NDRG2: variants seen among roughly 807,000 people sequenced by gnomAD.
NDRG2 encodes protein NDRG2.
NDRG2 carries 34 observed loss-of-function variants against 58.2 expected under a neutral mutation model. That is an observed-to-expected ratio of 0.58 (90% CI 0.44 to 0.78). The LOEUF is 0.78. Among genes scored for constraint, NDRG2 ranks in the 30% least tolerant of loss-of-function variants. NDRG2 has a pLI of 0.00. For missense variants in NDRG2, 434 were observed against 471.2 expected, an observed-to-expected ratio of 0.92 and a Z score of 0.73; for synonymous variants, 187 against 175.9, an observed-to-expected ratio of 1.06 and a Z score of -0.50.
intron 1 of NDRG2, among the ~76,000 whole-genome samples, chr14:21,041,631 G>C (rs1365176452): frequency 6.6e-6 from 1 of 152,166 alleles, no homozygotes; most frequent in African/African-American, 2.4e-5. Flanking sequence ...ACTAAGGCAG[G>C]ATGTCGAGAG....
chr14:21,064,589 A>G (rs577013004), intron 1 of NDRG2, among the ~76,000 whole-genome samples: 1 of 152,352 alleles, frequency 6.6e-6, no homozygotes, highest in South Asian at 2.1e-4. Flanking sequence ...GGTGTGAGCC[A>G]CCGCACCCAG....
intron 1 of NDRG2, among the ~76,000 whole-genome samples, chr14:21,053,077 T>C (rs1885534528): frequency 6.6e-6 from 1 of 152,176 alleles, no homozygotes; most frequent in Admixed American, 6.5e-5. Flanking sequence ...AAGGGGATAA[T>C]CAGGTTTTGA....
chr14:21,016,860 C>T lies in NDRG2; in HGVS notation c.*736G>A, dbSNP rs1197674608. On this transcript the variant is annotated 3_prime_UTR_variant, in exon 16 of 16. Coordinates refer to ENST00000556147, the MANE Select transcript of NDRG2 (RefSeq NM_001320329.2). The stretch of plus-strand genomic sequence containing the variant: ...ACATACTACAGTGTGGTCAGAGCCC[C>T]AGGGTAGCCCTTTCCACCCTATGCC... 2.2e-6 allele frequency: 1 copy of T among 456,402 alleles called. No homozygotes were observed. The highest frequency in any genetic ancestry group is 4.4e-6 in the Non-Finnish European group (1 of 226,796). 28.3% of individuals were successfully genotyped at this position (456,402 alleles called of 1,614,324 possible). A position where few individuals can be genotyped will look rare whatever the true frequency, so the allele number is the denominator to read the frequency against.
chr14:21,058,265 C>G lies in NDRG2; in HGVS notation c.24+12563G>C, dbSNP rs550028014. The stretch of plus-strand genomic sequence containing the variant: ...AAACTGCAGGTACAAAGAGAAGCAC[C>G]TGAACACACCTTACATAGTGGCCTG... On this transcript the variant is annotated intron_variant, in intron 1 of 14. Coordinates refer to the NDRG2 transcript ENST00000403829. The G allele has an allele frequency of 1.8e-4, 287 of 1,614,054 alleles. 1 individual carries two copies. The Admixed American group carries it at 4.6e-3, about 26-fold the overall frequency.
chr14:21,025,485 C>G (rs1002386495), upstream of NDRG2: 1 of 985,444 alleles, frequency 1.0e-6, no homozygotes, highest in Non-Finnish European at 1.2e-6. This position sits in a 1 kb window ranked among gnomAD's most constrained non-coding sequence, Gnocchi z 5.1. Flanking sequence ...GATACTGACA[C>G]CCCACGAGTT....
chr14:21,031,358 A>G, intron 1 of NDRG2: 1 of 611,598 alleles, frequency 1.6e-6, no homozygotes, highest in African/African-American at 1.9e-5. Flanking sequence ...GTCCATGGCT[A>G]TTTTAATAGT....
At chr14:21,066,632 C>A (rs1886284821) in intron 1 of NDRG2, among the ~76,000 whole-genome samples, 1 of 152,148 alleles carries the variant, frequency 6.6e-6, no homozygotes, top group Non-Finnish European at 1.5e-5. Context: ...CCGTGCCCAG[C>A]CTGATTTATT....
At chr14:21,018,679 C>T in intron 12 of NDRG2, 84 bp downstream of exon 12, 1 of 1,601,322 alleles carries the variant, frequency 6.2e-7, no homozygotes, top group African/African-American at 1.3e-5. Flanking sequence ...CCAAACAGGA[C>T]ATCCCCTTGG....
chr14:21,041,976 A>G (rs1483757994), intron 1 of NDRG2, among the ~76,000 whole-genome samples: 1 of 152,224 alleles, frequency 6.6e-6, no homozygotes, highest in African/African-American at 2.4e-5. Flanking sequence ...GCCTCAGGTC[A>G]GAGAAGAAGC....
At chr14:21,033,888 A>G in intron 1 of NDRG2, 1 of 1,614,042 alleles carries the variant, frequency 6.2e-7, no homozygotes, top group Non-Finnish European at 8.5e-7. Context: ...GAGTAGGTAG[A>G]GCTTCTGGTT....
intron 1 of NDRG2, among the ~76,000 whole-genome samples, chr14:21,059,440 A>G (rs1885836170): frequency 6.6e-6 from 1 of 152,160 alleles, no homozygotes; most frequent in Non-Finnish European, 1.5e-5. Flanking sequence ...CAATTTATAT[A>G]AAATACTCTG....
chr14:21,050,438 T>G (rs1885412688), intron 1 of NDRG2, among the ~76,000 whole-genome samples: 1 of 152,178 alleles, frequency 6.6e-6, no homozygotes, highest in African/African-American at 2.4e-5. Context: ...GCCTGAGATA[T>G]CCCAAGCATT....
intron 8 of NDRG2, 38 bp from the exon 9 acceptor site, chr14:21,020,014 G>A (rs775663993): frequency 6.3e-7 from 1 of 1,594,662 alleles, no homozygotes; most frequent in Non-Finnish European, 8.6e-7. Flanking sequence ...TCAGGGTATT[G>A]GCCAGGCACA....
In NDRG2 at chr14:21,022,419, G is replaced by T. The variant is rs771193522; in HGVS notation, c.196C>A (p.Leu66Ile). The change falls in exon 4 of 16, where the codon CTT (leucine) becomes ATT (isoleucine). Residue 66 changes from leucine (L) to isoleucine (I), a missense_variant. Physicochemically the swap from Leu to Ile is conservative, Grantham distance 5. Transcript: ENST00000556147. ...GTPKPKRPAI[L>I]TYHDVGLNYK... The stretch of plus-strand genomic sequence containing the variant: ...TTGAGTCCCACATCGTGGTAGGTAA[G>T]GATCGCTGGGCGTTTGGGTTTGGGG... 1 of 1,614,048 alleles carries T rather than the reference G, an allele frequency of 6.2e-7. No homozygotes were observed. Among genetic ancestry groups the T allele is most frequent in the East Asian group, 2.2e-5 (1 of 44,880 alleles).
chr14:21,042,054 G>A (rs1194054182), intron 1 of NDRG2, among the ~76,000 whole-genome samples: 1 of 152,202 alleles, frequency 6.6e-6, no homozygotes, highest in Non-Finnish European at 1.5e-5. Flanking sequence ...GAGAGGATAT[G>A]AATGACAACT....
Position 21,070,453 on chromosome 14 carries a change from C to G in NDRG2, c.24+375G>C. On this transcript the variant is annotated intron_variant, in intron 1 of 14. Coordinates refer to the NDRG2 transcript ENST00000403829. This position sits in a 1 kb window ranked among gnomAD's most constrained non-coding sequence, Gnocchi z 4.7. The stretch of plus-strand genomic sequence containing the variant: ...CCCCTCGGCCTTCGCGCAGCCCGCT[C>G]CGGGCCCCCAAGTCCTCAGCCTGGT... The G allele has an allele frequency of 7.4e-7, 1 of 1,356,640 alleles. No homozygotes were observed. Among genetic ancestry groups the G allele is most frequent in the Non-Finnish European group, 9.4e-7 (1 of 1,060,938 alleles). 84.0% of individuals were successfully genotyped at this position (1,356,640 alleles called of 1,614,324 possible). A position where few individuals can be genotyped will look rare whatever the true frequency, so the allele number is the denominator to read the frequency against.
At position 21,022,915 on chromosome 14, in the gene NDRG2, C is replaced by G; in HGVS notation, c.76-10G>C. On this transcript the variant is annotated splice_polypyrimidine_tract_variant and intron_variant, in intron 2 of 15. Coordinates refer to ENST00000556147, the MANE Select transcript of NDRG2 (RefSeq NM_001320329.2). The stretch of plus-strand genomic sequence containing the variant: ...CAGCTAACTCAGCCTCCTGGAGAGA[C>G]ACACACGGATTCACACAGAAACACA... The G allele has an allele frequency of 6.2e-7, 1 of 1,613,994 alleles. No homozygotes were observed. Among genetic ancestry groups the G allele is most frequent in the Non-Finnish European group, 8.5e-7 (1 of 1,179,948 alleles).
Position 21,059,011 on chromosome 14 carries a change from G to C in NDRG2, c.24+11817C>G, listed in dbSNP as rs56126701. 6.9e-3 allele frequency among the ~76,000 whole-genome samples: 1,049 copies of C among 152,344 alleles called. 11 individuals carry two copies. Among genetic ancestry groups the C allele is most frequent in the African/African-American group, 0.024 (990 of 41,576 alleles). Reference sequence around the variant, plus strand: ...AGCACCCTGAGCAGGCACAGTCTGGGAAGCTGGCTTGATTCTGTCCTCCAG... The same window carrying C: ...AGCACCCTGAGCAGGCACAGTCTGGCAAGCTGGCTTGATTCTGTCCTCCAG... On this transcript the variant is annotated intron_variant, in intron 1 of 14. Transcript: ENST00000403829.
Position 21,048,257 on chromosome 14 carries a change from C to T in NDRG2, c.24+22571G>A, listed in dbSNP as rs1885295204. On this transcript the variant is annotated intron_variant, in intron 1 of 14. Transcript: ENST00000403829. ...AGCAGTTATAGCTCTTATCAGGATG[C>T]TTACCTGTGCAAGACTCCAAAACCA... The T allele has an allele frequency of 2.6e-5, 4 of 152,236 alleles. No homozygotes were observed. In the South Asian group the frequency reaches 8.3e-4, roughly 32 times the overall value. The allele number at this position is 152,236 out of a possible 1,614,324, so 9.4% of individuals were successfully genotyped here.
Sources: allele counts gnomAD v4.1 joint callset (sites outside exome capture counted in the v4.1 genomes callset), GRCh38; gene constraint gnomAD v4.1.1; non-coding constraint Gnocchi (gnomAD v3.1); transcripts MANE v1.5; gene names NCBI Gene and HGNC (gene_info 2026-07-23, HGNC 2026-07-21).